ACE: variants seen among roughly 807,000 people sequenced by gnomAD.
The protein encoded by ACE is angiotensin I converting enzyme.
ACE carries 122 observed loss-of-function variants against 162.3 expected under a neutral mutation model. The ratio of observed to expected loss-of-function variants is 0.75; its 90% confidence interval spans 0.65 to 0.87. The LOEUF is 0.87. Among genes scored for constraint, ACE ranks in the 40% least tolerant of loss-of-function variants. The pLI, the probability that ACE is intolerant of heterozygous loss-of-function variation, is 0.00. For synonymous variants in ACE, 796 were observed against 720.6 expected (o/e 1.10, Z -1.68); for missense variants, 1,799 against 1,735.1 (o/e 1.04, Z -0.65).
intron 2 of ACE, 34 bp downstream of exon 2, chr17:63,478,132 G>A (rs1599137308): frequency 1.9e-6 from 3 of 1,553,488 alleles, no homozygotes; most frequent in South Asian, 2.4e-5. Flanking sequence ...CTCGGGGGCG[G>A]CCTCCTAGTG....
chr17:63,483,112 T>C lies in ACE; in HGVS notation c.1426T>C (p.Trp476Arg). The change falls in exon 9 of 25, where the codon TGG (tryptophan) becomes CGG (arginine). Residue 476 changes from tryptophan (W) to arginine (R), a missense_variant. Physicochemically the swap from Trp to Arg is moderately radical, Grantham distance 101. Coordinates refer to ENST00000290866, the MANE Select transcript of ACE (RefSeq NM_000789.4). ...PFGYLVDQWR[W>R]GVFSGRTPPS... is the part of the protein sequence containing the mutation. Reference sequence around the variant, plus strand: ...TGGCTACTTGGTGGACCAGTGGCGCTGGGGGGTCTTTAGTGGGCGTACCCC... The same window carrying C: ...TGGCTACTTGGTGGACCAGTGGCGCCGGGGGGTCTTTAGTGGGCGTACCCC... 6.2e-7 allele frequency: 1 copy of C among 1,614,156 alleles called. No homozygotes were observed. The highest frequency in any genetic ancestry group is 8.5e-7 in the Non-Finnish European group (1 of 1,180,036).
intron 17 of ACE, among the ~76,000 whole-genome samples, 176 bp downstream of exon 17, chr17:63,489,308 C>A (rs1250141543): frequency 2.0e-5 from 3 of 152,184 alleles, no homozygotes; most frequent in Non-Finnish European, 4.4e-5. Flanking sequence ...GAGCCCCCCA[C>A]TTGCATCTGG....
At position 63,484,414 on chromosome 17, in the gene ACE, G is replaced by A. The variant is rs137910205; in HGVS notation, c.1794G>A (p.Pro598=). 2.1e-4 allele frequency: 332 copies of A among 1,612,098 alleles called. No individual in the cohort carries two copies. The highest frequency in any genetic ancestry group is 3.6e-4 in the Middle Eastern group (2 of 5,550). The change falls in exon 12 of 25, where the codon CCG becomes CCA. Residue 598 remains proline (P), a synonymous_variant. Coordinates refer to ENST00000290866, the MANE Select transcript of ACE (RefSeq NM_000789.4). This position sits in a 1 kb window ranked among gnomAD's most constrained non-coding sequence, Gnocchi z 4.0. ...GCTTAGATGCCCTGGATGCCCAGCC[G>A]CTGCTCAAGTACTTCCAGCCAGTCA... ...MVGLDALDAQ[P]LLKYFQPVTQ... is the part of the protein sequence containing the mutation.
Position 63,481,701 on chromosome 17 carries a change from G to C in ACE, c.1081G>C (p.Ala361Pro). The stretch of plus-strand genomic sequence containing the variant: ...CGACGGGCGGGAAGTGGTGTGCCAC[G>C]CCTCGGCTTGGGACTTCTACAACAG... Reference protein sequence around the residue: ...PADGREVVCHASAWDFYNRKD... With the variant: ...PADGREVVCHPSAWDFYNRKD... The change falls in exon 7 of 25, where the codon GCC becomes CCC. Residue 361 changes from alanine to proline, a missense_variant. Physicochemically the swap from Ala to Pro is conservative, Grantham distance 27. Coordinates refer to ENST00000290866, the MANE Select transcript of ACE (RefSeq NM_000789.4). The C allele has an allele frequency of 6.2e-7, 1 of 1,614,154 alleles. No homozygotes were observed. The highest frequency in any genetic ancestry group is 8.5e-7 in the Non-Finnish European group (1 of 1,180,024).
In ACE at chr17:63,478,103, G is replaced by C; in HGVS notation, c.417+5G>C. Reference sequence around the variant, plus strand: ...CCCCTGGCTAAGCGGCAGCAGGTGGGCTGAGGGCTGAGGCAGAGCTCGGGG... The same window carrying C: ...CCCCTGGCTAAGCGGCAGCAGGTGGCCTGAGGGCTGAGGCAGAGCTCGGGG... On this transcript the variant is annotated splice_donor_5th_base_variant and intron_variant, in intron 2 of 24. Coordinates refer to ENST00000290866, the MANE Select transcript of ACE (RefSeq NM_000789.4). 2 of 1,572,928 alleles carry C rather than the reference G, an allele frequency of 1.3e-6. No individual in the cohort carries two copies. The highest frequency in any genetic ancestry group is 1.7e-6 in the Non-Finnish European group (2 of 1,159,302).
chr17:63,484,707 A>T lies in ACE; in HGVS notation c.1921+166A>T. ...ATCAGCAGGGCCTGCGAGTGGGGAC[A>T]GGCATGTCTTTCCCCCAGCATCCTA... On this transcript the variant is annotated intron_variant, in intron 12 of 24. Transcript: ENST00000290866. The surrounding 1 kb of genome is among the most constrained non-coding windows in gnomAD (Gnocchi z 4.0). 6.2e-6 allele frequency: 9 copies of T among 1,450,562 alleles called. No individual in the cohort carries two copies. Among genetic ancestry groups the T allele is most frequent in the Non-Finnish European group, 8.1e-6 (9 of 1,104,494 alleles). 89.9% of individuals were successfully genotyped at this position (1,450,562 alleles called of 1,614,324 possible).
Position 63,486,731 on chromosome 17 carries a change from G to C in ACE, c.2217+16G>C, listed in dbSNP as rs746676556. On this transcript the variant is annotated intron_variant, in intron 14 of 24. Coordinates refer to ENST00000290866, the MANE Select transcript of ACE (RefSeq NM_000789.4). Reference sequence around the variant, plus strand: ...GCTGGAGGAGGTGTGTGGCTCGCAAGGTACAGGGAGAGGGGAATCCTGGGG... The same window carrying C: ...GCTGGAGGAGGTGTGTGGCTCGCAACGTACAGGGAGAGGGGAATCCTGGGG... 5 of 1,614,164 alleles carry C rather than the reference G, an allele frequency of 3.1e-6. No individual in the cohort carries two copies. The East Asian group carries it at 8.9e-5, about 29-fold the overall frequency.
In ACE at chr17:63,480,483, G is replaced by A. The variant is rs1403582878; in HGVS notation, c.802G>A (p.Asp268Asn). Residue 268 changes from aspartate (D) to asparagine (N), a missense_variant, in exon 5 of 25, where the codon GAC becomes AAC. Coordinates refer to ENST00000290866, the MANE Select transcript of ACE (RefSeq NM_000789.4). ...CCGCGCACTGCATCGCCGATACGGA[G>A]ACAGATACATCAACCTCAGGGGACC... Reference protein sequence around the residue: ...VRRALHRRYGDRYINLRGPIP... With the variant: ...VRRALHRRYGNRYINLRGPIP... The A allele has an allele frequency of 1.2e-6, 2 of 1,613,948 alleles. No individual in the cohort carries two copies. Among genetic ancestry groups the A allele is most frequent in the Non-Finnish European group, 1.7e-6 (2 of 1,180,046 alleles).
In ACE at chr17:63,484,755, G is replaced by C; in HGVS notation, c.1921+214G>C. On this transcript the variant is annotated intron_variant, in intron 12 of 24. Coordinates refer to ENST00000290866, the MANE Select transcript of ACE (RefSeq NM_000789.4). The surrounding 1 kb of genome is among the most constrained non-coding windows in gnomAD (Gnocchi z 4.0). ...CTAGAGAGGGTGTGCTCAGACCTGA[G>C]GGCCCCTCCCCTTCCAGAGGAAGCC... 6.8e-7 allele frequency: 1 copy of C among 1,469,460 alleles called. No individual in the cohort carries two copies. The highest frequency in any genetic ancestry group is 2.5e-5 in the East Asian group (1 of 40,404). 91.0% of individuals were successfully genotyped at this position (1,469,460 alleles called of 1,614,324 possible).
At chr17:63,480,560 C>T (rs751554544) in intron 5 of ACE, 32 bp downstream of exon 5, 90 of 1,611,064 alleles carry the variant, frequency 5.6e-5, no homozygotes, top group Non-Finnish European at 7.6e-5. Context: ...CACATGAGTC[C>T]CACGGAAGTG....
chr17:63,495,722 C>T (rs1463531038), intron 22 of ACE, among the ~76,000 whole-genome samples: 1 of 152,226 alleles, frequency 6.6e-6, no homozygotes, highest in Non-Finnish European at 1.5e-5. Context: ...GACAATTCTC[C>T]AAACAGGGGT....
chr17:63,493,337 G>A (rs556200739), intron 19 of ACE, 99 bp from the exon 20 acceptor site: 145 of 1,146,814 alleles, frequency 1.3e-4, no homozygotes, highest in Non-Finnish European at 1.7e-4. Context: ...CTGCAGTGCT[G>A]GGGTCTGCCC....
intron 13 of ACE, chr17:63,485,821 C>G (rs1425128441): frequency 8.5e-6 from 2 of 236,370 alleles, no homozygotes; most frequent in Non-Finnish European, 1.7e-5. Context: ...TGAACATTTA[C>G]TCAATGCCTG....
chr17:63,491,453 C>A lies in ACE; in HGVS notation c.2912+72C>A. 1 of 1,589,242 alleles carries A rather than the reference C, an allele frequency of 6.3e-7. No homozygotes were observed. The highest frequency in any genetic ancestry group is 1.1e-5 in the South Asian group (1 of 90,450). On this transcript the variant is annotated intron_variant, in intron 19 of 24. Coordinates refer to ENST00000290866, the MANE Select transcript of ACE (RefSeq NM_000789.4). This position sits in a 1 kb window ranked among gnomAD's most constrained non-coding sequence, Gnocchi z 4.4. ...AGGGAAATGAACCAAGCAAAGGGTC[C>A]ACTACTGTCCCCCAGCTGGAGCCAG...
In ACE at chr17:63,477,298, C is replaced by A; in HGVS notation, c.204C>A (p.Ser68Arg). ...EQVLFQSVAASWAHDTNITAE... is the reference protein window; with the variant it reads ...EQVLFQSVAARWAHDTNITAE... ...TGCTGTTCCAGAGCGTGGCCGCCAG[C>A]TGGGCGCACGACACCAACATCACCG... The change falls in exon 1 of 25, where the codon AGC (serine) becomes AGA (arginine). Residue 68 changes from serine (S) to arginine (R), a missense_variant. Transcript: ENST00000290866. The A allele has an allele frequency of 6.9e-7, 1 of 1,442,770 alleles. No homozygotes were observed. Among genetic ancestry groups the A allele is most frequent in the South Asian group, 1.4e-5 (1 of 72,064 alleles). 89.4% of individuals were successfully genotyped at this position (1,442,770 alleles called of 1,614,324 possible).
intron 5 of ACE, 102 bp from the exon 6 acceptor site, chr17:63,480,989 C>T: frequency 8.6e-7 from 1 of 1,157,102 alleles, no homozygotes; most frequent in South Asian, 1.2e-5. Flanking sequence ...CCTTGAGGGC[C>T]CCAGGGTACA....
In ACE at chr17:63,478,031, T is replaced by A; in HGVS notation, c.350T>A (p.Leu117Gln). Reference protein sequence around the residue: ...PIWQNFTDPQLRRIIGAVRTL... With the variant: ...PIWQNFTDPQQRRIIGAVRTL... The stretch of plus-strand genomic sequence containing the variant: ...TGGCAGAACTTCACGGACCCGCAGC[T>A]GCGCAGGATCATCGGAGCTGTGCGC... Residue 117 changes from leucine (L) to glutamine (Q), a missense_variant, in exon 2 of 25, where the codon CTG (leucine) becomes CAG (glutamine). By Grantham distance (113) the Leu-to-Gln change is moderately radical. Transcript: ENST00000290866. 2.5e-6 allele frequency: 4 copies of A among 1,608,624 alleles called. No homozygotes were observed. The highest frequency in any genetic ancestry group is 3.4e-6 in the Non-Finnish European group (4 of 1,177,904).
chr17:63,485,175 G>GACTTC, intron 12 of ACE, 61 bp from the exon 13 acceptor site: 6 of 1,611,902 alleles, frequency 3.7e-6, no homozygotes, highest in Admixed American at 3.4e-5. Flanking sequence ...CTTCTGGTGA[G>GACTTC]ACCACAAACC....
rs964755913 is a variant in ACE at position 63,485,792 on chromosome 17, A to C, written c.2058+420A>C. 5 of 236,480 alleles carry C rather than the reference A, an allele frequency of 2.1e-5. No homozygotes were observed. The East Asian group carries it at 3.4e-4, about 16-fold the overall frequency. 14.6% of individuals were successfully genotyped at this position (236,480 alleles called of 1,614,324 possible). ...TCCATCAAAAAAAAAAAAAAAAAAAACTCAATTTCAGATTTTGATGAACAT... is the reference window on the plus strand; with the variant it reads ...TCCATCAAAAAAAAAAAAAAAAAAACCTCAATTTCAGATTTTGATGAACAT... On this transcript the variant is annotated intron_variant, in intron 13 of 24. Transcript: ENST00000290866.
Sources: allele counts gnomAD v4.1 joint callset (sites outside exome capture counted in the v4.1 genomes callset), GRCh38; gene constraint gnomAD v4.1.1; non-coding constraint Gnocchi (gnomAD v3.1); transcripts MANE v1.5; gene names NCBI Gene and HGNC (gene_info 2026-07-23, HGNC 2026-07-21).